Variants in IFT74 observed in about 807,000 individuals in gnomAD.
The protein encoded by IFT74 is intraflagellar transport protein 74 homolog.
Under a neutral mutation model 96.7 loss-of-function variants are expected in IFT74, and 92 were observed. The observed-to-expected ratio is 0.95, with a 90% CI of 0.80 to 1.13. IFT74 has a LOEUF of 1.13. Ranked by LOEUF, IFT74 falls within the 50% of genes most tolerant of loss-of-function variation. IFT74 has a pLI of 0.00. For synonymous variants in IFT74, 223 were observed against 213.2 expected (o/e 1.05, Z -0.40); for missense variants, 811 against 698.2 (o/e 1.16, Z -1.82).
At position 26,980,535 on chromosome 9, in the gene IFT74, G is replaced by C; in HGVS notation, c.257-36G>C. The C allele has an allele frequency of 7.1e-6, 10 of 1,403,590 alleles. 1 individual carries two copies. 86.9% of individuals were successfully genotyped at this position (1,403,590 alleles called of 1,614,324 possible). A position where few individuals can be genotyped will look rare whatever the true frequency, so the allele number is the denominator to read the frequency against. ...GGATTTGCTATTCTGGTGGCATTTC[G>C]AACTGAACACTAACACTTAAAACAT... is the stretch of plus-strand genomic sequence containing the variant. On this transcript the variant is annotated intron_variant, in intron 3 of 19. Transcript: ENST00000380062.
chr9:27,018,816 G>C (rs1405126542), intron 12 of IFT74, 129 bp downstream of exon 12: 1 of 478,234 alleles, frequency 2.1e-6, no homozygotes, highest in Non-Finnish European at 3.8e-6. Flanking sequence ...GAGTGTTTAA[G>C]AGCCATTGCA....
At chr9:26,980,463 A>C in intron 3 of IFT74, 108 bp from the exon 4 acceptor site, 1 of 750,406 alleles carries the variant, frequency 1.3e-6, no homozygotes, top group South Asian at 1.4e-5. Flanking sequence ...TGGGGCATTC[A>C]TGAAGACTGT....
intron 12 of IFT74, among the ~76,000 whole-genome samples, chr9:27,022,074 T>C (rs1035149488): frequency 5.3e-5 from 8 of 152,222 alleles, no homozygotes; most frequent in Non-Finnish European, 1.2e-4. Flanking sequence ...CCAGCACCAT[T>C]TGTTGAATAG....
intron 1 of IFT74, among the ~76,000 whole-genome samples, chr9:26,959,679 A>G (rs1826268347): frequency 6.6e-6 from 1 of 152,178 alleles, no homozygotes; most frequent in African/African-American, 2.4e-5. Flanking sequence ...GGATGGATGT[A>G]GAGAAGTTTA....
chr9:27,049,084 TG>T (rs1368577577), intron 16 of IFT74, among the ~76,000 whole-genome samples: 1 of 152,158 alleles, frequency 6.6e-6, no homozygotes, highest in Non-Finnish European at 1.5e-5. Flanking sequence ...TTCTCTCTCT[TG>T]CCTTGTAACA....
chr9:26,994,087 A>G (rs1224232169), intron 8 of IFT74: 1 of 152,180 alleles, frequency 6.6e-6, no homozygotes, highest in African/African-American at 2.4e-5. Flanking sequence ...GTGTTTTCCA[A>G]ACTACGTTCT....
intron 11 of IFT74, among the ~76,000 whole-genome samples, chr9:27,018,231 T>C (rs766291755): frequency 7.9e-5 from 12 of 152,222 alleles, no homozygotes; most frequent in Non-Finnish European, 1.5e-4. Flanking sequence ...ATTCCAAATA[T>C]TACATGGTAC....
chr9:27,013,371 A>G (rs1829201135), intron 10 of IFT74, among the ~76,000 whole-genome samples: 1 of 152,236 alleles, frequency 6.6e-6, no homozygotes, highest in Non-Finnish European at 1.5e-5. Flanking sequence ...TTCCGGGATT[A>G]TAAACAATAC....
intron 2 of IFT74, among the ~76,000 whole-genome samples, chr9:26,967,625 C>T (rs1290465910): frequency 6.6e-6 from 1 of 152,078 alleles, no homozygotes; most frequent in Non-Finnish European, 1.5e-5. Context: ...AATTCCAGTA[C>T]TGTGTTGAAT....
chr9:26,998,067 T>C (rs1563961014), intron 8 of IFT74: 1 of 1,613,512 alleles, frequency 6.2e-7, no homozygotes, highest in Admixed American at 1.7e-5. Flanking sequence ...TGTAAGATAG[T>C]AACCTTGTTC....
At chr9:27,003,265 G>A (rs920592059) in intron 8 of IFT74, among the ~76,000 whole-genome samples, 2 of 151,976 alleles carry the variant, frequency 1.3e-5, no homozygotes, top group Non-Finnish European at 2.9e-5. Flanking sequence ...GCTCACGCCT[G>A]TAATCCCAGC....
Position 27,044,580 on chromosome 9 carries a change from A to G in IFT74, c.1055-162A>G, listed in dbSNP as rs569737132. Among the ~76,000 whole-genome samples, 5 of 152,338 alleles carry G rather than the reference A, an allele frequency of 3.3e-5. No individual in the cohort carries two copies. The South Asian group carries it at 8.3e-4, about 25-fold the overall frequency. On this transcript the variant is annotated intron_variant, in intron 13 of 19. Transcript: ENST00000380062. ...ATATTCAAGTTACATGCATATGTCT[A>G]CTTGAAAAGTCTCTATAAGTCATTG...
intron 2 of IFT74, among the ~76,000 whole-genome samples, chr9:26,972,821 C>T (rs1297174585): frequency 6.6e-6 from 1 of 152,138 alleles, no homozygotes. Flanking sequence ...ACTTCGGGCT[C>T]TGTATATTGA....
chr9:27,003,840 A>G (rs1828633542), intron 8 of IFT74, among the ~76,000 whole-genome samples: 1 of 152,212 alleles, frequency 6.6e-6, no homozygotes. Flanking sequence ...ATGATTGCCC[A>G]TAGAAGAGGG....
At chr9:26,955,784 G>A (rs138228655), upstream of IFT74, 9 of 146,746 alleles carry the variant, frequency 6.1e-5, no homozygotes, top group African/African-American at 2.3e-4. Flanking sequence ...GAAACATACA[G>A]TAAAAGTTAT....
At chr9:27,036,758 C>G (rs746169475) in intron 13 of IFT74, 2 of 1,183,022 alleles carry the variant, frequency 1.7e-6, no homozygotes, top group African/African-American at 1.6e-5. Context: ...GCGTAAAGTG[C>G]TGTCTCTCAA....
chr9:26,989,452 G>A (rs1827775415), intron 7 of IFT74, among the ~76,000 whole-genome samples: 1 of 152,034 alleles, frequency 6.6e-6, no homozygotes, highest in South Asian at 2.1e-4. Context: ...TTGATTATAA[G>A]CATTTGGATG....
chr9:27,008,980 T>C, intron 8 of IFT74, 40 bp from the exon 9 acceptor site: 1 of 1,524,310 alleles, frequency 6.6e-7, no homozygotes, highest in East Asian at 2.3e-5. Context: ...TATTTTTTCC[T>C]CAATATAGTA....
chr9:26,999,199 T>A (rs1332820981), intron 8 of IFT74, among the ~76,000 whole-genome samples: 1 of 152,210 alleles, frequency 6.6e-6, no homozygotes, highest in African/African-American at 2.4e-5. Flanking sequence ...TAGTTCTTGT[T>A]TTTACTGAAC....
Sources: gnomAD v4.1 joint callset for allele counts (sites outside exome capture counted in the v4.1 genomes callset) on GRCh38, gnomAD v4.1.1 for gene constraint, MANE v1.5 for transcripts, NCBI Gene and HGNC (gene_info 2026-07-23, HGNC 2026-07-21) for gene names.